The following CELF2 variants were observed in gnomAD, a reference collection of about 807,000 sequenced individuals.
The protein encoded by CELF2 is CUGBP Elav-like family member 2.
Under a neutral mutation model 62.6 loss-of-function variants are expected in CELF2, and 8 were observed. The ratio of observed to expected loss-of-function variants is 0.13; its 90% confidence interval spans 0.07 to 0.23. The LOEUF is 0.23. CELF2 is among the 10% of genes least tolerant of loss of function. CELF2 has a pLI of 1.00. For missense variants in CELF2, 333 were observed against 671.0 expected, an observed-to-expected ratio of 0.50 and a Z score of 5.56; for synonymous variants, 258 against 250.0, an observed-to-expected ratio of 1.03 and a Z score of -0.30.
chr10:11,119,336 C>G (rs932349368), intron 1 of CELF2, among the ~76,000 whole-genome samples: 8 of 152,178 alleles, frequency 5.3e-5, no homozygotes, highest in Non-Finnish European at 1.5e-5. Context: ...ATCCTGTGTC[C>G]TAAGGACAGT....
At chr10:11,209,005 C>T (rs959916624) in intron 2 of CELF2, among the ~76,000 whole-genome samples, 4 of 152,270 alleles carry the variant, frequency 2.6e-5, no homozygotes, top group Middle Eastern at 3.4e-3. Flanking sequence ...AGTTTAAAGG[C>T]GTAAAAGGCT....
chr10:11,206,840 A>AAG (rs1272119471), intron 2 of CELF2, among the ~76,000 whole-genome samples: 1 of 152,250 alleles, frequency 6.6e-6, no homozygotes, highest in Non-Finnish European at 1.5e-5. Flanking sequence ...TTCTCTAACA[A>AAG]AGAAGACTCC....
intron 10 of CELF2, chr10:11,317,172 T>C (rs571462179): frequency 8.0e-6 from 1 of 125,382 alleles, no homozygotes; most frequent in South Asian, 2.3e-4. Context: ...AAAATTATGA[T>C]TGTTTAAAAA....
Position 11,165,746 on chromosome 10 carries a change from C to G in CELF2, c.271+64C>G. 2 of 1,449,088 alleles carry G rather than the reference C, an allele frequency of 1.4e-6. No individual in the cohort carries two copies. The highest frequency in any genetic ancestry group is 1.9e-6 in the Non-Finnish European group (2 of 1,071,562). The allele number at this position is 1,449,088 out of a possible 1,614,324, so 89.8% of individuals were successfully genotyped here. ...GGGCGTCGCGGGGCACTGGGGCTGT[C>G]CGAGCCCCCAGCCTGCAGGAGGAAG... On this transcript the variant is annotated intron_variant, in intron 2 of 12. Coordinates refer to ENST00000633077, the MANE Select transcript of CELF2 (RefSeq NM_001326342.2). This position sits in a 1 kb window ranked among gnomAD's most constrained non-coding sequence, Gnocchi z 7.4.
chr10:10,580,259 A>G, the CELF2 span, among the ~76,000 whole-genome samples: 1 of 152,134 alleles, frequency 6.6e-6, no homozygotes, highest in Admixed American at 6.6e-5. Context: ...GAAAAGAGAA[A>G]CTAGGGCAGG....
chr10:11,167,386 T>C (rs1356349169), intron 2 of CELF2, among the ~76,000 whole-genome samples: 1 of 152,214 alleles, frequency 6.6e-6, no homozygotes, highest in African/African-American at 2.4e-5. Flanking sequence ...CCACAATTCA[T>C]CCTTGACAAG....
intron 1 of CELF2, among the ~76,000 whole-genome samples, chr10:11,079,193 A>G (rs930079902): frequency 6.6e-6 from 1 of 152,194 alleles, no homozygotes; most frequent in African/African-American, 2.4e-5. Flanking sequence ...ACAAGAGAGG[A>G]GTATCTCAAA....
intron 3 of CELF2, among the ~76,000 whole-genome samples, chr10:11,245,024 A>T (rs1365679716): frequency 6.6e-6 from 1 of 152,194 alleles, no homozygotes; most frequent in African/African-American, 2.4e-5. Context: ...CATCACAATG[A>T]GAACCCCTTC....
intron 1 of CELF2, among the ~76,000 whole-genome samples, chr10:11,148,931 A>G (rs945215994): frequency 6.6e-6 from 1 of 152,072 alleles, no homozygotes; most frequent in Non-Finnish European, 1.5e-5. Context: ...AATAGCCTCA[A>G]TAAACCTCAT....
intron 2 of CELF2, among the ~76,000 whole-genome samples, chr10:10,961,115 T>C (rs1409556605): frequency 2.0e-5 from 3 of 152,196 alleles, no homozygotes. Context: ...GGCCAAAGAA[T>C]TAATTTGAAA....
the CELF2 span, chr10:10,784,576 A>G: frequency 6.6e-6 from 1 of 152,382 alleles, no homozygotes; most frequent in African/African-American, 2.4e-5. Context: ...CTCTCTGACC[A>G]TCCCCAACCA....
chr10:10,672,943 G>A, the CELF2 span, among the ~76,000 whole-genome samples: 20 of 152,072 alleles, frequency 1.3e-4, no homozygotes, highest in South Asian at 4.1e-3. Context: ...ATCTCTTCAT[G>A]TATTTAATTA....
chr10:10,580,073 C>G, the CELF2 span, among the ~76,000 whole-genome samples: 1 of 152,002 alleles, frequency 6.6e-6, no homozygotes, highest in Admixed American at 6.6e-5. Context: ...AGTGATGATG[C>G]AAGGAAAATG....
intron 1 of CELF2, among the ~76,000 whole-genome samples, chr10:11,154,101 C>T (rs1160754554): frequency 2.0e-5 from 3 of 152,166 alleles, no homozygotes; most frequent in Admixed American, 6.5e-5. Context: ...TTAAAAAAAT[C>T]AACTATGGGG....
chr10:10,463,645 C>T, the CELF2 span, among the ~76,000 whole-genome samples: 4 of 152,078 alleles, frequency 2.6e-5, no homozygotes, highest in East Asian at 1.9e-4. Flanking sequence ...AAACTTTGAG[C>T]TTATCCATAT....
At chr10:10,577,364 T>TTTATTATTATTATTG in the CELF2 span, among the ~76,000 whole-genome samples, 2 of 141,404 alleles carry the variant, frequency 1.4e-5, no homozygotes, top group African/African-American at 2.8e-5. Flanking sequence ...AACAAATCTT[T>TTTATTATTATTATTG]TTATTATTAT....
At chr10:10,732,766 C>T in the CELF2 span, among the ~76,000 whole-genome samples, 12 of 152,146 alleles carry the variant, frequency 7.9e-5, no homozygotes, top group Admixed American at 3.9e-4. Flanking sequence ...TCAAGTGACC[C>T]GCCTGCCTTG....
At chr10:10,724,673 AAAAAG>A in the CELF2 span, among the ~76,000 whole-genome samples, 1 of 150,318 alleles carries the variant, frequency 6.7e-6, no homozygotes, top group African/African-American at 2.5e-5. Context: ...AAAAAAAAGA[AAAAAG>A]AAAAGTGCGA....
chr10:10,841,835 G>T (rs1221378300), intron 1 of CELF2, among the ~76,000 whole-genome samples: 1 of 151,988 alleles, frequency 6.6e-6, no homozygotes, highest in Admixed American at 6.6e-5. Flanking sequence ...AAAATAACTT[G>T]CTGGGATTCT....
Sources: gnomAD v4.1 joint callset for allele counts (sites outside exome capture counted in the v4.1 genomes callset) on GRCh38, gnomAD v4.1.1 for gene constraint, Gnocchi (gnomAD v3.1) non-coding constraint, MANE v1.5 for transcripts, NCBI Gene and HGNC (gene_info 2026-07-23, HGNC 2026-07-21) for gene names.